Variants in COL14A1 observed in about 807,000 individuals in gnomAD.
COL14A1 encodes collagen type XIV alpha 1 chain.
A neutral mutation model predicts 230.3 loss-of-function variants in COL14A1; 136 were observed. The observed-to-expected ratio is 0.59, with a 90% CI of 0.51 to 0.68. The LOEUF (loss-of-function observed/expected upper bound fraction) is 0.68. COL14A1 is among the 30% of genes least tolerant of loss of function. COL14A1 has a pLI of 0.00. For synonymous variants in COL14A1, 792 were observed against 784.1 expected, an observed-to-expected ratio of 1.01 and a Z score of -0.17; for missense variants, 1,976 against 2,215.8, an observed-to-expected ratio of 0.89 and a Z score of 2.17.
At position 120,227,487 on chromosome 8, in the gene COL14A1, A is replaced by G. The variant is rs1818136047; in HGVS notation, c.2137+135A>G. The G allele has an allele frequency of 5.5e-6, 6 of 1,091,546 alleles. No individual in the cohort carries two copies. In the East Asian group the frequency reaches 9.7e-5, roughly 18 times the overall value. The allele number at this position is 1,091,546 out of a possible 1,614,324, so 67.6% of individuals were successfully genotyped here. Reference sequence around the variant, plus strand: ...CTCTTTGTCCCCCAGAATTCTTCATATATCTTCACTTTCAATGAAACCAGT... The same window carrying G: ...CTCTTTGTCCCCCAGAATTCTTCATGTATCTTCACTTTCAATGAAACCAGT... On this transcript the variant is annotated intron_variant, in intron 17 of 47. Transcript: ENST00000297848.
chr8:120,337,466 G>A (rs1261170364), intron 42 of COL14A1, among the ~76,000 whole-genome samples: 1 of 151,512 alleles, frequency 6.6e-6, no homozygotes, highest in Non-Finnish European at 1.5e-5. Flanking sequence ...ATTCTAGTTA[G>A]GCTGATGTTC....
intron 5 of COL14A1, among the ~76,000 whole-genome samples, chr8:120,177,015 G>A (rs1816304550): frequency 1.3e-5 from 2 of 152,154 alleles, no homozygotes; most frequent in South Asian, 4.1e-4. Context: ...GTATATGTCT[G>A]TGCCCTGAGT....
At chr8:120,334,585 AACACACACACAC>A (rs3054171) in intron 42 of COL14A1, among the ~76,000 whole-genome samples, 2 of 144,692 alleles carry the variant, frequency 1.4e-5, no homozygotes, top group African/African-American at 5.1e-5. Flanking sequence ...CACACACAAA[AACACACACACAC>A]ACACACACAC....
intron 25 of COL14A1, 82 bp from the exon 26 acceptor site, chr8:120,269,953 G>T: frequency 1.4e-6 from 2 of 1,440,444 alleles, no homozygotes; most frequent in South Asian, 1.3e-5. Context: ...TTAGCAGAGG[G>T]CAACCATTAT....
intron 32 of COL14A1, among the ~76,000 whole-genome samples, chr8:120,284,076 C>G (rs1405497234): frequency 6.6e-6 from 1 of 152,110 alleles, no homozygotes; most frequent in East Asian, 1.9e-4. Context: ...GAGCAAGGCC[C>G]TTGGAGGGTC....
At chr8:120,255,559 A>G (rs2129715617) in intron 23 of COL14A1, among the ~76,000 whole-genome samples, 1 of 152,282 alleles carries the variant, frequency 6.6e-6, no homozygotes, top group Non-Finnish European at 1.5e-5. Flanking sequence ...CCTTTTTCTT[A>G]TCTGGTAATG....
chr8:120,147,603 C>A (rs1316958189), intron 1 of COL14A1, among the ~76,000 whole-genome samples: 1 of 152,206 alleles, frequency 6.6e-6, no homozygotes, highest in Non-Finnish European at 1.5e-5. Context: ...CCAAATATTT[C>A]AAATCATTCT....
At position 120,262,959 on chromosome 8, in the gene COL14A1, T is replaced by TTA; in HGVS notation, c.2964_2965dup (p.Thr989IlefsTer12). On this transcript the variant is annotated frameshift_variant, in exon 24 of 48. Coordinates refer to ENST00000297848, the MANE Select transcript of COL14A1 (RefSeq NM_021110.4). LOFTEE classifies it high-confidence loss of function. ...CTGATTCTGAATATAAAATCAGTGTTTATACAAAGCTCCAGGAGATTGAAG... is the reference window on the plus strand; with the variant it reads ...CTGATTCTGAATATAAAATCAGTGTTTATATACAAAGCTCCAGGAGATTGAAG... 1 of 1,613,618 alleles carries TTA rather than the reference T, an allele frequency of 6.2e-7. No individual in the cohort carries two copies. The highest frequency in any genetic ancestry group is 8.5e-7 in the Non-Finnish European group (1 of 1,179,794).
intron 42 of COL14A1, among the ~76,000 whole-genome samples, chr8:120,340,630 A>AT (rs1183640226): frequency 2.0e-5 from 3 of 152,194 alleles, no homozygotes; most frequent in Admixed American, 6.5e-5. Flanking sequence ...TAGATGTATG[A>AT]TTTTTTTGGA....
intron 5 of COL14A1, among the ~76,000 whole-genome samples, chr8:120,170,419 T>C (rs573538548): frequency 6.6e-6 from 1 of 152,212 alleles, no homozygotes; most frequent in South Asian, 2.1e-4. Flanking sequence ...CTTAGAAATA[T>C]GCTATTAATT....
chr8:120,320,920 A>T (rs367827800), intron 40 of COL14A1, among the ~76,000 whole-genome samples: 1 of 152,224 alleles, frequency 6.6e-6, no homozygotes, highest in Non-Finnish European at 1.5e-5. Context: ...AATGCTAGTC[A>T]TTGTTATCCC....
chr8:120,212,428 A>T lies in COL14A1; in HGVS notation c.1468-20A>T, dbSNP rs746688725. The T allele has an allele frequency of 6.2e-7, 1 of 1,611,850 alleles. No individual in the cohort carries two copies. ...ATAATATGTATTGGCAAATGATCTA[A>T]CAACATGTGTTCTTTTCAGATGAAA... On this transcript the variant is annotated intron_variant, in intron 12 of 47. Transcript: ENST00000297848.
rs747571801 is a variant in COL14A1 at position 120,278,586 on chromosome 8, A to G, written c.3481+8A>G. On this transcript the variant is annotated splice_region_variant and intron_variant, in intron 28 of 47. Transcript: ENST00000297848. ...GGGAGATGCAATTAGATGGTAAGAT[A>G]TATAAACAATAGTGGCTACCAAATA... 6.8e-6 allele frequency: 11 copies of G among 1,610,872 alleles called. No individual in the cohort carries two copies. In the South Asian group the frequency reaches 1.2e-4, roughly 18 times the overall value.
intron 11 of COL14A1, among the ~76,000 whole-genome samples, chr8:120,208,907 A>G (rs1817532552): frequency 6.6e-6 from 1 of 152,206 alleles, no homozygotes; most frequent in African/African-American, 2.4e-5. Flanking sequence ...ATCTTTAAAA[A>G]AAGATCGAAC....
chr8:120,231,290 A>G (rs542108478), intron 18 of COL14A1, among the ~76,000 whole-genome samples, 177 bp from the exon 19 acceptor site: 18 of 152,204 alleles, frequency 1.2e-4, no homozygotes, highest in African/African-American at 4.1e-4. Context: ...ATTTGCTGCT[A>G]GTAGGTATCA....
intron 26 of COL14A1, among the ~76,000 whole-genome samples, chr8:120,275,960 T>C (rs548563099): frequency 1.1e-4 from 17 of 151,986 alleles, no homozygotes; most frequent in African/African-American, 3.9e-4. Flanking sequence ...TACCTTTGGT[T>C]CCAGCAATCC....
intron 40 of COL14A1, among the ~76,000 whole-genome samples, chr8:120,316,475 T>C (rs566643757): frequency 6.6e-6 from 1 of 152,340 alleles, no homozygotes; most frequent in African/African-American, 2.4e-5. Context: ...AGTATAAAGA[T>C]ATTCAGGAAA....
At chr8:120,129,814 C>A (rs1471407339) in intron 1 of COL14A1, among the ~76,000 whole-genome samples, 1 of 152,206 alleles carries the variant, frequency 6.6e-6, no homozygotes, top group Non-Finnish European at 1.5e-5. Flanking sequence ...GCGAGCTGTA[C>A]ACACATTAGC....
At chr8:120,314,048 C>T (rs756492847) in intron 38 of COL14A1, 21 bp downstream of exon 38, 1 of 1,529,982 alleles carries the variant, frequency 6.5e-7, no homozygotes. Flanking sequence ...TTCAAACATT[C>T]AGACGGGTTT....
Sources: gnomAD v4.1 joint callset for allele counts (sites outside exome capture counted in the v4.1 genomes callset) on GRCh38, gnomAD v4.1.1 for gene constraint, MANE v1.5 for transcripts, NCBI Gene and HGNC (gene_info 2026-07-23, HGNC 2026-07-21) for gene names.